The following RNF216 variants were observed in gnomAD, a reference collection of about 807,000 sequenced individuals.
The protein encoded by RNF216 is ring finger protein 216, also known as E3 ubiquitin-protein ligase RNF216.
A neutral mutation model predicts 110.8 loss-of-function variants in RNF216; 72 were observed. The observed-to-expected ratio is 0.65, with a 90% CI of 0.54 to 0.79. The LOEUF is 0.79. Ranked by LOEUF, RNF216 falls within the 30% of genes least tolerant of loss-of-function variation. The probability of loss-of-function intolerance (pLI) is 0.00; values close to 1 mark genes in which losing one functional copy is unlikely to be tolerated. For synonymous variants in RNF216, 495 were observed against 407.5 expected (o/e 1.21, Z -2.59); for missense variants, 1,342 against 1,141.2 (o/e 1.18, Z -2.54).
chr7:5,778,038 T>C (rs1021912044), intron 1 of RNF216, among the ~76,000 whole-genome samples: 3 of 152,236 alleles, frequency 2.0e-5, no homozygotes, highest in African/African-American at 4.8e-5. Flanking sequence ...CTAGCCCAAG[T>C]ACTGCCTTGC....
intron 15 of RNF216, among the ~76,000 whole-genome samples, chr7:5,631,915 T>C (rs1200279203): frequency 6.6e-6 from 1 of 152,194 alleles, no homozygotes; most frequent in East Asian, 1.9e-4. Context: ...TACGGATTGC[T>C]TAGCTCACAC....
chr7:5,653,380 TGAGGTCAG>T (rs2128577910), intron 13 of RNF216, among the ~76,000 whole-genome samples: 1 of 151,938 alleles, frequency 6.6e-6, no homozygotes, highest in South Asian at 2.1e-4. Flanking sequence ...CACGAGGTCA[TGAGGTCAG>T]GAGATTGAAA....
At chr7:5,655,865 GT>G (rs1461491227) in intron 13 of RNF216, among the ~76,000 whole-genome samples, 4 of 150,974 alleles carry the variant, frequency 2.6e-5, no homozygotes, top group Non-Finnish European at 5.9e-5. Context: ...CTCTTGAATG[GT>G]TTTTTTTTGA....
At chr7:5,665,588 C>T (rs979953800) in intron 13 of RNF216, among the ~76,000 whole-genome samples, 2 of 152,010 alleles carry the variant, frequency 1.3e-5, no homozygotes, top group African/African-American at 4.8e-5. Context: ...TACAAGGCAC[C>T]GAGACACCAG....
At chr7:5,725,544 A>G in intron 7 of RNF216, 106 bp from the exon 8 acceptor site, 1 of 699,340 alleles carries the variant, frequency 1.4e-6, no homozygotes, top group Non-Finnish European at 2.5e-6. Flanking sequence ...CTGTCTACCC[A>G]GCATGGCTAA....
intron 9 of RNF216, 99 bp downstream of exon 9, chr7:5,720,934 G>A (rs1793379450): frequency 8.2e-7 from 1 of 1,213,152 alleles, no homozygotes; most frequent in African/African-American, 1.5e-5. Flanking sequence ...ACAGTCTGAA[G>A]AAAAGGGAAA....
At chr7:5,771,624 C>T (rs1394156336) in intron 1 of RNF216, among the ~76,000 whole-genome samples, 1 of 151,896 alleles carries the variant, frequency 6.6e-6, no homozygotes, top group Non-Finnish European at 1.5e-5. Context: ...TGGCAAAACC[C>T]ATTTCTACAA....
At chr7:5,750,822 A>G (rs537703170) in intron 3 of RNF216, among the ~76,000 whole-genome samples, 3 of 152,364 alleles carry the variant, frequency 2.0e-5, no homozygotes, top group Middle Eastern at 3.4e-3. Context: ...CACCATCAGT[A>G]GTAGCCTCTG....
chr7:5,686,254 C>T (rs1029634448), intron 13 of RNF216, among the ~76,000 whole-genome samples: 2 of 147,684 alleles, frequency 1.4e-5, no homozygotes, highest in East Asian at 2.0e-4. Flanking sequence ...AAAAATGGAG[C>T]GTGCTTCTCC....
intron 1 of RNF216, among the ~76,000 whole-genome samples, chr7:5,773,901 T>A (rs927162608): frequency 3.3e-5 from 5 of 152,198 alleles, no homozygotes; most frequent in African/African-American, 7.2e-5. Flanking sequence ...TGACCACAAC[T>A]GGCTTCCTTC....
chr7:5,654,752 A>G (rs1418099142), intron 13 of RNF216, among the ~76,000 whole-genome samples: 1 of 147,296 alleles, frequency 6.8e-6, no homozygotes, highest in African/African-American at 2.5e-5. Context: ...GGCAGAGAGG[A>G]GCTGACAGGA....
At chr7:5,733,663 CA>C (rs75175715) in intron 5 of RNF216, among the ~76,000 whole-genome samples, 42,332 of 113,656 alleles carry the variant, frequency 0.37, 6,827 homozygotes, top group Admixed American at 0.46. Flanking sequence ...AAACATTAAC[CA>C]AAAAAAAAAA....
chr7:5,648,900 G>A (rs1788213980), intron 14 of RNF216, among the ~76,000 whole-genome samples: 1 of 152,084 alleles, frequency 6.6e-6, no homozygotes, highest in East Asian at 1.9e-4. Flanking sequence ...CACATGTAAA[G>A]CTAATTTGAG....
rs1157341411 is a variant in RNF216, at chr7:5,772,235, ATAAAATAAAG to A, written c.-70+9296_-70+9305del. 1.1e-4 allele frequency among the ~76,000 whole-genome samples: 16 copies of A among 152,342 alleles called. No individual in the cohort carries two copies. The East Asian group carries it at 3.1e-3, about 29-fold the overall frequency. On this transcript the variant is annotated intron_variant, in intron 1 of 16. Coordinates refer to ENST00000389902, the MANE Select transcript of RNF216 (RefSeq NM_207111.4). ...GCAACAAGAGTGAAACTCCGTCCCA[ATAAAATAAAG>A]TAAAATAAAATAAAACCACAAGGAA...
At chr7:5,659,472 G>A (rs904965531) in intron 13 of RNF216, among the ~76,000 whole-genome samples, 1 of 152,182 alleles carries the variant, frequency 6.6e-6, no homozygotes, top group Admixed American at 6.5e-5. Flanking sequence ...AGTATGGCTG[G>A]AGCCCAGTGG....
chr7:5,693,957 T>G (rs756181615), intron 13 of RNF216, among the ~76,000 whole-genome samples: 8 of 152,134 alleles, frequency 5.3e-5, no homozygotes, highest in African/African-American at 1.4e-4. Flanking sequence ...CTTGCTGTTG[T>G]TGACCAAAAA....
intron 9 of RNF216, 123 bp from the exon 10 acceptor site, chr7:5,716,889 G>A (rs1793098333): frequency 1.5e-6 from 1 of 646,576 alleles, no homozygotes; most frequent in Non-Finnish European, 2.6e-6. Flanking sequence ...CAGTTTAGCA[G>A]TTCAAAAAGG....
chr7:5,701,196 A>T (rs1436877268), intron 13 of RNF216, among the ~76,000 whole-genome samples: 1 of 152,216 alleles, frequency 6.6e-6, no homozygotes, highest in African/African-American at 2.4e-5. Context: ...GAGAGCTGTC[A>T]TTTCTTATAG....
At chr7:5,658,933 C>CG (rs1283738291) in intron 13 of RNF216, among the ~76,000 whole-genome samples, 1 of 152,050 alleles carries the variant, frequency 6.6e-6, no homozygotes, top group African/African-American at 2.4e-5. Context: ...AGCAATGTGT[C>CG]GGAGTTATGT....
Sources: allele counts gnomAD v4.1 joint callset (sites outside exome capture counted in the v4.1 genomes callset), GRCh38; gene constraint gnomAD v4.1.1; transcripts MANE v1.5; gene names NCBI Gene and HGNC (gene_info 2026-07-23, HGNC 2026-07-21).